Variants in DYTN observed in about 807,000 individuals in gnomAD.
DYTN encodes the protein dystrotelin.
A neutral mutation model predicts 69.6 loss-of-function variants in DYTN; 75 were observed. The ratio of observed to expected loss-of-function variants is 1.08; its 90% confidence interval spans 0.89 to 1.31. The LOEUF (loss-of-function observed/expected upper bound fraction) is 1.31, where lower values mean the gene tolerates loss of function less well. DYTN is among the 50% of genes most tolerant of loss of function. The pLI is 0.00. For synonymous variants in DYTN, 252 were observed against 249.1 expected, an observed-to-expected ratio of 1.01 and a Z score of -0.11; for missense variants, 726 against 688.4, an observed-to-expected ratio of 1.05 and a Z score of -0.61.
At chr2:206,673,350 T>C (rs965508228) in intron 9 of DYTN, among the ~76,000 whole-genome samples, 12 of 152,158 alleles carry the variant, frequency 7.9e-5, no homozygotes, top group African/African-American at 2.7e-4. Flanking sequence ...CTCCTCCTTC[T>C]GGGTTCAAGC....
chr2:206,662,344 T>C lies in DYTN; in HGVS notation c.1633+559A>G, dbSNP rs529243999. On this transcript the variant is annotated intron_variant, in intron 11 of 11. Transcript: ENST00000452335. ...AAACTGAGAAGGATCTCTCTCTACA[T>C]ATGTAAAGATAACAAAATACCCTAA... 4.6e-5 allele frequency among the ~76,000 whole-genome samples: 7 copies of C among 152,314 alleles called. No homozygotes were observed. The East Asian group carries it at 9.6e-4, about 21-fold the overall frequency.
intron 1 of DYTN, among the ~76,000 whole-genome samples, chr2:206,717,177 A>G (rs1445724800): frequency 1.3e-5 from 2 of 152,180 alleles, no homozygotes; most frequent in Non-Finnish European, 2.9e-5. Context: ...CACAAGCTAC[A>G]TGTGTTCTTC....
intron 11 of DYTN, among the ~76,000 whole-genome samples, chr2:206,655,588 T>A (rs1357054113): frequency 2.0e-3 from 184 of 91,648 alleles, no homozygotes; most frequent in East Asian, 0.011. Flanking sequence ...TAAAAAAAAA[T>A]TTTTTTTTTT....
chr2:206,709,269 G>A lies in DYTN; in HGVS notation c.94+1255C>T, dbSNP rs141734878. 1.0e-3 allele frequency among the ~76,000 whole-genome samples: 158 copies of A among 152,160 alleles called. 1 individual carries two copies. The highest frequency in any genetic ancestry group is 3.7e-3 in the African/African-American group (152 of 41,512). On this transcript the variant is annotated intron_variant, in intron 2 of 11. Coordinates refer to ENST00000452335, the MANE Select transcript of DYTN (RefSeq NM_001093730.1). Reference sequence around the variant, plus strand: ...TCAAGACCAGCCCGGGCAACATGGCGAAACCCTGTCTCTACTAAAAATACA... The same window carrying A: ...TCAAGACCAGCCCGGGCAACATGGCAAAACCCTGTCTCTACTAAAAATACA...
chr2:206,680,900 T>C (rs1699744100), intron 9 of DYTN, among the ~76,000 whole-genome samples: 1 of 152,164 alleles, frequency 6.6e-6, no homozygotes, highest in African/African-American at 2.4e-5. Context: ...TTTAAAATAG[T>C]TTTTTCTAAT....
chr2:206,697,034 C>T (rs932140880), intron 7 of DYTN, among the ~76,000 whole-genome samples: 6 of 152,124 alleles, frequency 3.9e-5, no homozygotes, highest in Non-Finnish European at 8.8e-5. Context: ...AATGGGAAGA[C>T]ATTTACTTTT....
chr2:206,699,500 G>A (rs1699953428), intron 7 of DYTN, among the ~76,000 whole-genome samples: 1 of 152,168 alleles, frequency 6.6e-6, no homozygotes, highest in South Asian at 2.1e-4. Flanking sequence ...ATGTCTATTA[G>A]TCACATTATG....
At chr2:206,660,020 AAG>A (rs368980674) in intron 11 of DYTN, among the ~76,000 whole-genome samples, 43,403 of 151,828 alleles carry the variant, frequency 0.29, 6,277 homozygotes, top group Middle Eastern at 0.3. Flanking sequence ...TTTTCTTGCA[AAG>A]AAAAAAAGAT....
At chr2:206,694,679 G>A (rs1699900624) in intron 8 of DYTN, 87 bp downstream of exon 8, 1 of 1,043,280 alleles carries the variant, frequency 9.6e-7, no homozygotes, top group Admixed American at 2.7e-5. Flanking sequence ...CAGAATCTGT[G>A]GTTTCACTGG....
intron 11 of DYTN, 88 bp from the exon 12 acceptor site, chr2:206,652,009 A>T: frequency 8.2e-7 from 1 of 1,224,700 alleles, no homozygotes; most frequent in Non-Finnish European, 1.1e-6. Context: ...ATGGAGAAGA[A>T]ACAGAATCCA....
At chr2:206,657,007 C>T (rs1257520313) in intron 11 of DYTN, among the ~76,000 whole-genome samples, 1 of 146,098 alleles carries the variant, frequency 6.8e-6, no homozygotes, top group Non-Finnish European at 1.5e-5. Context: ...GGTGATCCGC[C>T]CACCTCGGCT....
At chr2:206,705,589 A>G (rs1217851337) in intron 4 of DYTN, among the ~76,000 whole-genome samples, 199 bp downstream of exon 4, 3 of 152,266 alleles carry the variant, frequency 2.0e-5, no homozygotes, top group Non-Finnish European at 4.4e-5. Flanking sequence ...AATATCAAGA[A>G]CAACCAAGAA....
chr2:206,691,715 T>C (rs1028768276), intron 9 of DYTN, among the ~76,000 whole-genome samples: 3 of 152,198 alleles, frequency 2.0e-5, no homozygotes, highest in African/African-American at 7.2e-5. Flanking sequence ...ATAGGAATAA[T>C]AGATAGCATC....
intron 9 of DYTN, among the ~76,000 whole-genome samples, chr2:206,670,835 T>G (rs1699622625): frequency 6.6e-6 from 1 of 152,208 alleles, no homozygotes; most frequent in African/African-American, 2.4e-5. Flanking sequence ...GTTGCTACCC[T>G]GAATGTCTTC....
At chr2:206,660,361 G>A (rs938748344) in intron 11 of DYTN, among the ~76,000 whole-genome samples, 3 of 152,120 alleles carry the variant, frequency 2.0e-5, no homozygotes, top group African/African-American at 7.2e-5. Context: ...TTGGGATACT[G>A]CCTTCCAAAT....
chr2:206,686,605 T>C (rs1330287915), intron 9 of DYTN: 1 of 152,260 alleles, frequency 6.6e-6, no homozygotes, highest in Non-Finnish European at 1.5e-5. Flanking sequence ...CACTTTGAAG[T>C]TGGTCTTCAG....
chr2:206,666,935 C>G (rs1273234937), intron 9 of DYTN, among the ~76,000 whole-genome samples: 2 of 151,872 alleles, frequency 1.3e-5, no homozygotes, highest in Non-Finnish European at 2.9e-5. Flanking sequence ...GTCACAGCTA[C>G]TTAGAAGGCT....
chr2:206,659,484 C>CAAAAAAAAAAAAAAAAAAAAAA (rs772861150), intron 11 of DYTN, among the ~76,000 whole-genome samples: 1 of 64,592 alleles, frequency 1.5e-5, no homozygotes, highest in African/African-American at 5.7e-5. Flanking sequence ...CAACAATTCT[C>CAAAAAAAAAAAAAAAAAAAAAA]AAAAAAAAAA....
chr2:206,658,984 C>CTT (rs35131832), intron 11 of DYTN, among the ~76,000 whole-genome samples: 21,124 of 139,948 alleles, frequency 0.15, 1,900 homozygotes, highest in East Asian at 0.23. Context: ...AACAAGAGGA[C>CTT]TTTTTTTTTT....
Sources: gnomAD v4.1 joint callset for allele counts (sites outside exome capture counted in the v4.1 genomes callset) on GRCh38, gnomAD v4.1.1 for gene constraint, MANE v1.5 for transcripts, NCBI Gene and HGNC (gene_info 2026-07-23, HGNC 2026-07-21) for gene names.